COL25A1: variants seen among roughly 807,000 people sequenced by gnomAD.
The protein encoded by COL25A1 is collagen type XXV alpha 1 chain, also known as collagen alpha-1(XXV) chain.
In COL25A1, 103 loss-of-function variants were observed where a neutral mutation model predicts 128.4. That is an observed-to-expected ratio of 0.80 (90% CI 0.68 to 0.94). The LOEUF is 0.94. Among genes scored for constraint, COL25A1 ranks in the 40% least tolerant of loss-of-function variants. The probability of loss-of-function intolerance (pLI) is 0.00; values close to 1 mark genes in which losing one functional copy is unlikely to be tolerated. For synonymous variants in COL25A1, 279 were observed against 277.2 expected (o/e 1.01, Z -0.06); for missense variants, 745 against 840.0 (o/e 0.89, Z 1.40).
chr4:108,895,258 T>C (rs1381868199), intron 16 of COL25A1, among the ~76,000 whole-genome samples: 1 of 152,224 alleles, frequency 6.6e-6, no homozygotes, highest in Non-Finnish European at 1.5e-5. Flanking sequence ...GACTAACCAT[T>C]ATCCATCTGT....
chr4:108,933,922 CTCACGA>C (rs1363217277), intron 11 of COL25A1, among the ~76,000 whole-genome samples: 1 of 151,930 alleles, frequency 6.6e-6, no homozygotes, highest in Non-Finnish European at 1.5e-5. Context: ...AAATTTCCTC[CTCACGA>C]TTCCTCAAGG....
chr4:108,867,731 T>C (rs1738106123), intron 20 of COL25A1, among the ~76,000 whole-genome samples: 1 of 152,142 alleles, frequency 6.6e-6, no homozygotes, highest in African/African-American at 2.4e-5. Context: ...TGCTATGGTT[T>C]AAAAATAAAA....
chr4:108,816,202 G>A (rs1053439500), intron 37 of COL25A1, among the ~76,000 whole-genome samples: 3 of 152,212 alleles, frequency 2.0e-5, no homozygotes, highest in African/African-American at 4.8e-5. Context: ...AATAAATGAC[G>A]CTACTTAGAG....
At chr4:109,296,135 G>C (rs910087836) in intron 3 of COL25A1, among the ~76,000 whole-genome samples, 14 of 151,700 alleles carry the variant, frequency 9.2e-5, no homozygotes, top group Non-Finnish European at 2.9e-5. Context: ...GCCTTTTTTT[G>C]TTTCACATGG....
At chr4:109,022,348 G>A (rs1757857533) in intron 5 of COL25A1, 1 of 312,146 alleles carries the variant, frequency 3.2e-6, no homozygotes, top group Non-Finnish European at 6.4e-6. Context: ...TAAAGGATAA[G>A]ATGTGAATCA....
Position 109,233,013 on chromosome 4 carries a change from T to C in COL25A1, c.367+67570A>G, listed in dbSNP as rs117997770. Among the ~76,000 whole-genome samples the C allele has an allele frequency of 1.1e-4, 17 of 152,340 alleles. No homozygotes were observed. The East Asian group carries it at 3.1e-3, about 28-fold the overall frequency. On this transcript the variant is annotated intron_variant, in intron 3 of 37. Transcript: ENST00000399132. Reference sequence around the variant, plus strand: ...GTGGAAAAGAGGAAGTCCAAAATGATAGAATTGGACCAAATGTTAGCAAAA... The same window carrying C: ...GTGGAAAAGAGGAAGTCCAAAATGACAGAATTGGACCAAATGTTAGCAAAA...
chr4:109,065,435 T>C (rs1194855032), intron 3 of COL25A1, among the ~76,000 whole-genome samples: 1 of 152,050 alleles, frequency 6.6e-6, no homozygotes, highest in African/African-American at 2.4e-5. Context: ...TTTCTATAGT[T>C]ACCTGACAGA....
chr4:108,923,562 T>C (rs527725389), intron 11 of COL25A1, among the ~76,000 whole-genome samples: 1 of 152,246 alleles, frequency 6.6e-6, no homozygotes, highest in Non-Finnish European at 1.5e-5. Flanking sequence ...CCCAGGCTGG[T>C]CTCAAACTCC....
intron 3 of COL25A1, among the ~76,000 whole-genome samples, chr4:109,193,746 C>G (rs1478783273): frequency 6.6e-6 from 1 of 152,116 alleles, no homozygotes; most frequent in African/African-American, 2.4e-5. Context: ...CTGAGTAACA[C>G]AGATGAGCTC....
chr4:109,231,677 T>C (rs983159747), intron 3 of COL25A1, among the ~76,000 whole-genome samples: 1 of 152,216 alleles, frequency 6.6e-6, no homozygotes, highest in Non-Finnish European at 1.5e-5. Flanking sequence ...AATGGGATTT[T>C]CTAAACAGGT....
intron 6 of COL25A1, among the ~76,000 whole-genome samples, chr4:109,002,612 A>G (rs1389216270): frequency 6.6e-6 from 1 of 152,218 alleles, no homozygotes; most frequent in African/African-American, 2.4e-5. Context: ...AGTTCTGAGG[A>G]TTGAATATAC....
chr4:109,124,796 T>TA (rs963020239), intron 3 of COL25A1, among the ~76,000 whole-genome samples: 3 of 152,018 alleles, frequency 2.0e-5, no homozygotes, highest in East Asian at 1.9e-4. Context: ...AATTCATTCT[T>TA]AAAAAAATCA....
chr4:108,909,643 G>A (rs1444353335), intron 13 of COL25A1, among the ~76,000 whole-genome samples: 2 of 152,200 alleles, frequency 1.3e-5, no homozygotes, highest in African/African-American at 4.8e-5. Context: ...ATGTAATGCA[G>A]AGAGATAGTT....
intron 31 of COL25A1, among the ~76,000 whole-genome samples, chr4:108,834,886 T>C (rs1049957540): frequency 6.6e-6 from 1 of 152,162 alleles, no homozygotes; most frequent in Non-Finnish European, 1.5e-5. Context: ...GAATAACAAA[T>C]ACAGGGTTTT....
intron 3 of COL25A1, among the ~76,000 whole-genome samples, chr4:109,273,982 T>C (rs928706081): frequency 6.6e-6 from 1 of 152,162 alleles, no homozygotes; most frequent in African/African-American, 2.4e-5. Context: ...GGAATACTTG[T>C]TGGAAATCAT....
intron 23 of COL25A1, 96 bp from the exon 24 acceptor site, chr4:108,859,829 G>C (rs1294002881): frequency 3.8e-6 from 3 of 793,032 alleles, no homozygotes; most frequent in Non-Finnish European, 6.3e-6. Flanking sequence ...AGCTCTCTCT[G>C]AATATCATTT....
At chr4:109,024,583 T>C (rs899605675) in intron 5 of COL25A1, among the ~76,000 whole-genome samples, 11 of 152,070 alleles carry the variant, frequency 7.2e-5, no homozygotes, top group African/African-American at 2.7e-4. Flanking sequence ...GGATTATAAG[T>C]AAATATTTTT....
At chr4:109,184,167 G>T (rs1030019451) in intron 3 of COL25A1, among the ~76,000 whole-genome samples, 1 of 152,074 alleles carries the variant, frequency 6.6e-6, no homozygotes, top group African/African-American at 2.4e-5. Context: ...AAGGAATTTT[G>T]CTTACAAGGA....
intron 19 of COL25A1, among the ~76,000 whole-genome samples, chr4:108,879,408 T>G (rs1739842976): frequency 6.6e-6 from 1 of 152,274 alleles, no homozygotes; most frequent in African/African-American, 2.4e-5. Context: ...CAATTTGCTT[T>G]CTGAATATGG....
Sources: gnomAD v4.1 joint callset for allele counts (sites outside exome capture counted in the v4.1 genomes callset) on GRCh38, gnomAD v4.1.1 for gene constraint, MANE v1.5 for transcripts, NCBI Gene and HGNC (gene_info 2026-07-23, HGNC 2026-07-21) for gene names.